Variants in TRIM33 observed in about 807,000 individuals in gnomAD.
The protein encoded by TRIM33 is tripartite motif containing 33, also known as E3 ubiquitin-protein ligase TRIM33.
A neutral mutation model predicts 125.4 loss-of-function variants in TRIM33; 20 were observed. That is an observed-to-expected ratio of 0.16 (90% CI 0.11 to 0.23). The LOEUF (loss-of-function observed/expected upper bound fraction) is 0.23, where lower values mean the gene tolerates loss of function less well. Ranked by LOEUF, TRIM33 falls within the 10% of genes least tolerant of loss-of-function variation. The pLI is 1.00. For synonymous variants in TRIM33, 564 were observed against 513.9 expected, an observed-to-expected ratio of 1.10 and a Z score of -1.32; for missense variants, 920 against 1,411.4, an observed-to-expected ratio of 0.65 and a Z score of 5.58.
intron 1 of TRIM33, among the ~76,000 whole-genome samples, chr1:114,506,720 C>G (rs987604073): frequency 6.6e-6 from 1 of 152,052 alleles, no homozygotes; most frequent in South Asian, 2.1e-4. Flanking sequence ...AAGCACCCCC[C>G]AAAAAATCAC....
At chr1:114,498,386 G>A (rs1036438197) in intron 1 of TRIM33, among the ~76,000 whole-genome samples, 3 of 152,114 alleles carry the variant, frequency 2.0e-5, no homozygotes, top group Admixed American at 6.6e-5. Context: ...GGTGGCTCAC[G>A]CCTGTAATCC....
intron 8 of TRIM33, among the ~76,000 whole-genome samples, chr1:114,426,674 T>C (rs1647608043): frequency 1.3e-5 from 2 of 152,162 alleles, no homozygotes; most frequent in Non-Finnish European, 2.9e-5. Context: ...GTAACTTTCA[T>C]CTATGGTCTT....
At chr1:114,403,691 C>G (rs115672697) in intron 15 of TRIM33, among the ~76,000 whole-genome samples, 1 of 152,134 alleles carries the variant, frequency 6.6e-6, no homozygotes, top group Non-Finnish European at 1.5e-5. Flanking sequence ...GGGCCTGCTA[C>G]CATGCCCAGC....
At chr1:114,482,085 C>T (rs144661609) in intron 1 of TRIM33, among the ~76,000 whole-genome samples, 2 of 152,268 alleles carry the variant, frequency 1.3e-5, no homozygotes, top group East Asian at 3.9e-4. Context: ...TGTTCTATAT[C>T]TGCACTGTCT....
chr1:114,511,128 C>A lies in TRIM33; in HGVS notation c.-52G>T, dbSNP rs1249515143. The A allele has an allele frequency of 5.5e-6, 6 of 1,082,890 alleles. No individual in the cohort carries two copies. Among genetic ancestry groups the A allele is most frequent in the Non-Finnish European group, 5.6e-6 (5 of 894,726 alleles). 67.1% of individuals were successfully genotyped at this position (1,082,890 alleles called of 1,614,324 possible). On this transcript the variant is annotated 5_prime_UTR_variant, in exon 1 of 20. Coordinates refer to ENST00000358465, the MANE Select transcript of TRIM33 (RefSeq NM_015906.4). ...GCCCCGCGCCGCCCGCCGCCCGCGT[C>A]GCCGCCGCCGCCGCCCCCAGCCCCA...
rs1281237891 is a variant in TRIM33 at position 114,425,550 on chromosome 1, G to C, written c.1594C>G (p.Gln532Glu). The part of the protein sequence containing the change: ...QVYAQKHQQL[Q>E]QMRMQQPPAP... ...GGTGGTTGCTGCATCCTCATCTGTTGCAACTGCTGATGTTTCTGTGCATAT... is the reference window on the plus strand; with the variant it reads ...GGTGGTTGCTGCATCCTCATCTGTTCCAACTGCTGATGTTTCTGTGCATAT... The change falls in exon 9 of 20, where the codon CAA becomes GAA. Residue 532 changes from glutamine to glutamate, a missense_variant. This residue lies in a region of TRIM33 where 407 missense variants were observed against 589.7 expected (regional missense o/e 0.69). Coordinates refer to ENST00000358465, the MANE Select transcript of TRIM33 (RefSeq NM_015906.4). The C allele has an allele frequency of 1.2e-6, 2 of 1,614,042 alleles. No individual in the cohort carries two copies. The highest frequency in any genetic ancestry group is 1.7e-6 in the Non-Finnish European group (2 of 1,180,026).
intron 13 of TRIM33, among the ~76,000 whole-genome samples, chr1:114,408,155 T>C (rs143616795): frequency 6.6e-6 from 1 of 152,216 alleles, no homozygotes; most frequent in Non-Finnish European, 1.5e-5. Context: ...CAGGAGGCAA[T>C]GTACTTAAAT....
At chr1:114,412,148 G>A (rs565878644) in intron 11 of TRIM33, among the ~76,000 whole-genome samples, 1 of 152,296 alleles carries the variant, frequency 6.6e-6, no homozygotes, top group Admixed American at 6.5e-5. Flanking sequence ...AATTTACCTA[G>A]TATTGGGAAG....
At chr1:114,495,253 T>C (rs142022315) in intron 1 of TRIM33, among the ~76,000 whole-genome samples, 110 of 152,248 alleles carry the variant, frequency 7.2e-4, no homozygotes, top group African/African-American at 2.5e-3. Context: ...GCTAGGCAAG[T>C]TTCACTACTC....
At position 114,463,517 on chromosome 1, in the gene TRIM33, A is replaced by T; in HGVS notation, c.685T>A (p.Phe229Ile). ...AGCCACTCTCCACATTCTACACAAAAGCCAACTGCACTTGCATTGTCTTCA... is the reference window on the plus strand; with the variant it reads ...AGCCACTCTCCACATTCTACACAAATGCCAACTGCACTTGCATTGTCTTCA... The part of the protein sequence containing the change: ...SCEDNASAVG[F>I]CVECGEWLCK... Residue 229 changes from phenylalanine (F) to isoleucine (I), a missense_variant, in exon 3 of 20, where the codon TTT becomes ATT. Physicochemically the swap from Phe to Ile is conservative, Grantham distance 21. Transcript: ENST00000358465. The T allele has an allele frequency of 6.2e-7, 1 of 1,611,744 alleles. No individual in the cohort carries two copies. Among genetic ancestry groups the T allele is most frequent in the Non-Finnish European group, 8.5e-7 (1 of 1,178,050 alleles).
At chr1:114,474,560 C>A (rs1231282178) in intron 1 of TRIM33, among the ~76,000 whole-genome samples, 1 of 120,144 alleles carries the variant, frequency 8.3e-6, no homozygotes, top group Non-Finnish European at 1.6e-5. Flanking sequence ...GGTGACTGAG[C>A]AAGACCTTGT....
intron 11 of TRIM33, among the ~76,000 whole-genome samples, chr1:114,418,865 A>C (rs1159114916): frequency 1.3e-5 from 2 of 151,786 alleles, no homozygotes; most frequent in Admixed American, 6.6e-5. Context: ...TTCCCCAACC[A>C]ATCAGCAGCA....
chr1:114,500,481 G>A (rs541891691), intron 1 of TRIM33, among the ~76,000 whole-genome samples: 2 of 151,876 alleles, frequency 1.3e-5, no homozygotes, highest in African/African-American at 4.8e-5. Flanking sequence ...TGGGACTACA[G>A]GTATGTACCA....
chr1:114,443,394 A>T (rs1011026062), intron 4 of TRIM33, among the ~76,000 whole-genome samples: 1 of 151,734 alleles, frequency 6.6e-6, no homozygotes, highest in Non-Finnish European at 1.5e-5. Flanking sequence ...AAAATGAATG[A>T]ATGAATGAAT....
In TRIM33 at chr1:114,464,197, T is replaced by C. The variant is rs935190548; in HGVS notation, c.645+73A>G. 14 of 760,078 alleles carry C rather than the reference T, an allele frequency of 1.8e-5. No individual in the cohort carries two copies. In the African/African-American group the frequency reaches 2.5e-4, roughly 14 times the overall value. The allele number at this position is 760,078 out of a possible 1,614,324, so 47.1% of individuals were successfully genotyped here. ...AGAACCACCCTAAATGACTTAACTATCCAAACATGTTTTTCTTATAACTTA... is the reference window on the plus strand; with the variant it reads ...AGAACCACCCTAAATGACTTAACTACCCAAACATGTTTTTCTTATAACTTA... On this transcript the variant is annotated intron_variant, in intron 2 of 19. Coordinates refer to ENST00000358465, the MANE Select transcript of TRIM33 (RefSeq NM_015906.4).
At chr1:114,419,200 C>CAA (rs35757503) in intron 11 of TRIM33, among the ~76,000 whole-genome samples, 78 of 54,208 alleles carry the variant, frequency 1.4e-3, no homozygotes, top group African/African-American at 2.6e-3. Context: ...GACACCATCT[C>CAA]AAAAAAAAAA....
intron 1 of TRIM33, chr1:114,468,572 A>C: frequency 2.5e-6 from 1 of 397,670 alleles, no homozygotes; most frequent in South Asian, 2.1e-5. Context: ...AAAAAAACAA[A>C]AAAGATGTTT....
intron 4 of TRIM33, among the ~76,000 whole-genome samples, chr1:114,445,821 G>C (rs1335074160): frequency 6.6e-6 from 1 of 152,070 alleles, no homozygotes; most frequent in Non-Finnish European, 1.5e-5. Context: ...TGCCCACCCA[G>C]AATTCTAGAG....
intron 5 of TRIM33, among the ~76,000 whole-genome samples, chr1:114,432,094 C>G (rs1302177818): frequency 6.6e-6 from 1 of 152,124 alleles, no homozygotes; most frequent in African/African-American, 2.4e-5. Flanking sequence ...GGGAAGTTAT[C>G]AGAGATTTTA....
Sources: gnomAD v4.1 joint callset for allele counts (sites outside exome capture counted in the v4.1 genomes callset) on GRCh38, gnomAD v4.1.1 for gene constraint, gnomAD v4.1.1 regional missense constraint, MANE v1.5 for transcripts, NCBI Gene and HGNC (gene_info 2026-07-23, HGNC 2026-07-21) for gene names.